TRAF2: variants seen among roughly 807,000 people sequenced by gnomAD.
The protein encoded by TRAF2 is TNF receptor-associated factor 2.
Under a neutral mutation model 55.6 loss-of-function variants are expected in TRAF2, and 6 were observed. The ratio of observed to expected loss-of-function variants is 0.11; its 90% CI spans 0.06 to 0.21. The LOEUF (loss-of-function observed/expected upper bound fraction) is 0.21, where lower values mean the gene tolerates loss of function less well. Among genes scored for constraint, TRAF2 ranks in the 10% least tolerant of loss-of-function variants. TRAF2 has a pLI of 1.00. For missense variants in TRAF2, 561 were observed against 684.5 expected, an observed-to-expected ratio of 0.82 and a Z score of 2.01; for synonymous variants, 329 against 276.3, an observed-to-expected ratio of 1.19 and a Z score of -1.89.
intron 6 of TRAF2, among the ~76,000 whole-genome samples, chr9:136,916,142 TC>T (rs1478167865): frequency 6.6e-6 from 1 of 152,216 alleles, no homozygotes; most frequent in Admixed American, 6.5e-5. Flanking sequence ...TTGCTTCATG[TC>T]GTGTCTGTGT....
chr9:136,918,244 T>TATATAC (rs1850288859), intron 7 of TRAF2, among the ~76,000 whole-genome samples: 1 of 45,842 alleles, frequency 2.2e-5, no homozygotes, highest in African/African-American at 1.6e-4. Flanking sequence ...TATATATATA[T>TATATAC]ATATATATAT....
intron 1 of TRAF2, among the ~76,000 whole-genome samples, chr9:136,894,936 T>C (rs1169950459): frequency 6.6e-6 from 1 of 152,144 alleles, no homozygotes; most frequent in Non-Finnish European, 1.5e-5. Context: ...ATGATCACAC[T>C]TGTGAATAGA....
intron 1 of TRAF2, among the ~76,000 whole-genome samples, chr9:136,895,248 G>A (rs1849656106): frequency 2.0e-5 from 3 of 152,212 alleles, no homozygotes; most frequent in Non-Finnish European, 2.9e-5. Context: ...GTGGTGCTTC[G>A]TTTTCCTCAC....
At chr9:136,898,494 G>A in intron 1 of TRAF2, 1 of 802,594 alleles carries the variant, frequency 1.2e-6, no homozygotes, top group South Asian at 5.7e-5. Flanking sequence ...GTGGTCCCCA[G>A]CCTCACTGAG....
intron 1 of TRAF2, among the ~76,000 whole-genome samples, chr9:136,893,176 C>A (rs769888654): frequency 6.6e-6 from 1 of 152,162 alleles, no homozygotes; most frequent in African/African-American, 2.4e-5. Context: ...CACCCACCTT[C>A]GAGAAAGTGG....
intron 7 of TRAF2, among the ~76,000 whole-genome samples, chr9:136,919,249 C>A (rs936422410): frequency 2.4e-4 from 34 of 143,218 alleles, no homozygotes; most frequent in African/African-American, 8.6e-4. Context: ...TTACTAGAGA[C>A]AGGGTTTCAC....
intron 5 of TRAF2, among the ~76,000 whole-genome samples, chr9:136,909,069 A>G (rs1210816415): frequency 6.6e-6 from 1 of 152,098 alleles, no homozygotes; most frequent in Non-Finnish European, 1.5e-5. Context: ...AATTTTTAAA[A>G]AAAGTTTGTT....
At chr9:136,910,342 A>C (rs1850074775) in intron 6 of TRAF2, among the ~76,000 whole-genome samples, 1 of 152,154 alleles carries the variant, frequency 6.6e-6, no homozygotes, top group African/African-American at 2.4e-5. Flanking sequence ...TTTGAAGCTG[A>C]ATGTTTGCAG....
intron 1 of TRAF2, chr9:136,889,422 T>C (rs1285462898): frequency 6.6e-6 from 1 of 152,094 alleles, no homozygotes; most frequent in Non-Finnish European, 1.5e-5. Context: ...TAGGTGGGAT[T>C]ACAGGCACCC....
intron 4 of TRAF2, 128 bp downstream of exon 4, chr9:136,900,648 T>A: frequency 1.3e-6 from 1 of 786,534 alleles, no homozygotes; most frequent in Non-Finnish European, 2.2e-6. Flanking sequence ...CTGATGTCTG[T>A]GGAGGAAGAG....
intron 9 of TRAF2, among the ~76,000 whole-genome samples, chr9:136,923,633 A>G (rs1332926088): frequency 6.0e-5 from 9 of 150,856 alleles, no homozygotes; most frequent in African/African-American, 2.2e-4. Flanking sequence ...AAAAAAAAAA[A>G]AACTTTTTCT....
At chr9:136,907,357 C>T (rs958155870) in intron 4 of TRAF2, among the ~76,000 whole-genome samples, 10 of 152,262 alleles carry the variant, frequency 6.6e-5, no homozygotes, top group Admixed American at 3.3e-4. Context: ...AGGGCAGGGC[C>T]TCTGCCCAGC....
In TRAF2 at chr9:136,895,553, G is replaced by C. The variant is rs528989433; in HGVS notation, c.-28-3160G>C. The stretch of plus-strand genomic sequence containing the variant: ...TGGAGAAAAAAGGGAAAATGCATTT[G>C]TCATTTAAATGTTGGAATGGGCCAG... On this transcript the variant is annotated intron_variant, in intron 1 of 10. Coordinates refer to ENST00000247668, the MANE Select transcript of TRAF2 (RefSeq NM_021138.4). Among the ~76,000 whole-genome samples the C allele has an allele frequency of 6.6e-5, 10 of 152,294 alleles. No individual in the cohort carries two copies. In the South Asian group the frequency reaches 2.1e-3, roughly 32 times the overall value.
chr9:136,900,273 A>G (rs1431778612), intron 3 of TRAF2, 149 bp from the exon 4 acceptor site: 11 of 525,578 alleles, frequency 2.1e-5, no homozygotes, highest in Non-Finnish European at 3.6e-5. Flanking sequence ...AAAAATAAAA[A>G]GGAATCAGAG....
chr9:136,898,231 G>A (rs1443481001), intron 1 of TRAF2, among the ~76,000 whole-genome samples: 4 of 152,222 alleles, frequency 2.6e-5, no homozygotes, highest in Admixed American at 2.6e-4. Flanking sequence ...GAGCCTGAGT[G>A]CCAGCAGGCA....
At position 136,905,770 on chromosome 9, in the gene TRAF2, G is replaced by A. The variant is rs35095259; in HGVS notation, c.367-2300G>A. ...CCAGTACTTTGGGAGGCTTAGGTGG[G>A]CAGATTGCTTGAGCTCAGGAGTTCA... On this transcript the variant is annotated intron_variant, in intron 4 of 10. Coordinates refer to ENST00000247668, the MANE Select transcript of TRAF2 (RefSeq NM_021138.4). Among the ~76,000 whole-genome samples the A allele has an allele frequency of 3.1e-3, 470 of 152,258 alleles. 1 individual carries two copies. The highest frequency in any genetic ancestry group is 5.2e-3 in the Non-Finnish European group (355 of 68,006).
chr9:136,889,217 CTG>C (rs1849523161), intron 1 of TRAF2, among the ~76,000 whole-genome samples: 1 of 139,596 alleles, frequency 7.2e-6, no homozygotes, highest in Admixed American at 7.1e-5. Flanking sequence ...GTGGTTTTTT[CTG>C]TTTTTTTTTT....
chr9:136,892,977 G>A (rs1564404698), intron 1 of TRAF2, among the ~76,000 whole-genome samples: 1 of 152,200 alleles, frequency 6.6e-6, no homozygotes, highest in African/African-American at 2.4e-5. Context: ...TGCCTCTTAT[G>A]AAGACTAAGT....
upstream of TRAF2, chr9:136,885,994 C>T (rs919666283): frequency 1.3e-5 from 2 of 152,250 alleles, no homozygotes; most frequent in African/African-American, 4.8e-5. Flanking sequence ...CGGAGGGACC[C>T]GCAGGTGTCG....
Sources: gnomAD v4.1 joint callset for allele counts (sites outside exome capture counted in the v4.1 genomes callset) on GRCh38, gnomAD v4.1.1 for gene constraint, MANE v1.5 for transcripts, NCBI Gene and HGNC (gene_info 2026-07-23, HGNC 2026-07-21) for gene names.